The following RAP1B variants were observed in gnomAD, a reference collection of about 807,000 sequenced individuals.
The protein encoded by RAP1B is ras-related protein Rap-1b.
In RAP1B, 1 loss-of-function variant was observed where a neutral mutation model predicts 27.5. That is an observed-to-expected ratio of 0.04 (90% confidence interval 0.01 to 0.17). The LOEUF (loss-of-function observed/expected upper bound fraction) is 0.17. RAP1B is among the 10% of genes least tolerant of loss of function. The pLI, the probability that RAP1B is intolerant of heterozygous loss-of-function variation, is 1.00. For synonymous variants in RAP1B, 75 were observed against 73.1 expected (o/e 1.03, Z -0.13); for missense variants, 84 against 214.8 (o/e 0.39, Z 3.81).
At chr12:68,640,478 A>C (rs1872922724) in intron 1 of RAP1B, among the ~76,000 whole-genome samples, 1 of 152,122 alleles carries the variant, frequency 6.6e-6, no homozygotes, top group African/African-American at 2.4e-5. Context: ...TTAGGTACTC[A>C]TTATATATTT....
chr12:68,668,832 G>T lies in RAP1B; in HGVS notation c.*9583G>T, dbSNP rs920256901. 2.0e-5 allele frequency: 3 copies of T among 152,148 alleles called. No homozygotes were observed. The highest frequency in any genetic ancestry group is 7.2e-5 in the African/African-American group (3 of 41,422). 9.4% of individuals were successfully genotyped at this position (152,148 alleles called of 1,614,324 possible). On this transcript the variant is annotated 3_prime_UTR_variant, in exon 8 of 8. Transcript: ENST00000250559. The stretch of plus-strand genomic sequence containing the variant: ...CATTTCTAGATTAAAGATCTGATAA[G>T]CTCTGATAGTTGGGAAATAATACTA...
intron 1 of RAP1B, among the ~76,000 whole-genome samples, chr12:68,612,599 C>G (rs532807498): frequency 6.6e-6 from 1 of 152,322 alleles, no homozygotes; most frequent in African/African-American, 2.4e-5. Flanking sequence ...AGTGAATTAT[C>G]ATCTTACAAA....
intron 1 of RAP1B, among the ~76,000 whole-genome samples, chr12:68,632,125 ATTTGTTTTTTTTTTTTTTTTG>A (rs774582321): frequency 2.8e-5 from 3 of 107,154 alleles, no homozygotes; most frequent in South Asian, 2.9e-4. Flanking sequence ...TGGGTTTTGG[ATTTGTTTTTTTTTTTTTTTTG>A]TTTGTTTTTT....
At chr12:68,636,502 A>T (rs1187592733) in intron 1 of RAP1B, among the ~76,000 whole-genome samples, 6 of 152,226 alleles carry the variant, frequency 3.9e-5, no homozygotes, top group Non-Finnish European at 8.8e-5. Flanking sequence ...GTCATAGCTC[A>T]CTGTAACCTC....
Position 68,654,354 on chromosome 12 carries a change from G to GGC in RAP1B, c.324+103_324+104insCG, listed in dbSNP as rs1555173466. On this transcript the variant is annotated intron_variant, in intron 5 of 7. Transcript: ENST00000250559. ...TTTAAAGCTTGTGTATTTTGGTTGG[G>GGC]GGGGGGGTGTTGGTTTTTTTAAACT... The GGC allele has an allele frequency of 4.3e-6, 2 of 468,780 alleles. 1 individual carries two copies. Among genetic ancestry groups the GGC allele is most frequent in the South Asian group, 8.7e-5 (2 of 22,938 alleles). 29.0% of individuals were successfully genotyped at this position (468,780 alleles called of 1,614,324 possible). A position where few individuals can be genotyped will look rare whatever the true frequency, so the allele number is the denominator to read the frequency against.
At position 68,662,229 on chromosome 12, in the gene RAP1B, G is replaced by A. The variant is rs1327430690; in HGVS notation, c.*2980G>A. The A allele has an allele frequency of 6.6e-6, 1 of 151,516 alleles. No individual in the cohort carries two copies. Among genetic ancestry groups the A allele is most frequent in the Non-Finnish European group, 1.5e-5 (1 of 67,898 alleles). The allele number at this position is 151,516 out of a possible 1,614,324, so 9.4% of individuals were successfully genotyped here. A position where few individuals can be genotyped will look rare whatever the true frequency, so the allele number is the denominator to read the frequency against. On this transcript the variant is annotated 3_prime_UTR_variant, in exon 8 of 8. Transcript: ENST00000250559. ...CAACTCATGTAGATTGACTTTTCTG[G>A]TGCTTAATGGGAAAATACTAAAATA...
intron 1 of RAP1B, among the ~76,000 whole-genome samples, chr12:68,642,108 AT>A (rs1273981305): frequency 5.3e-5 from 8 of 152,208 alleles, no homozygotes; most frequent in African/African-American, 1.9e-4. Context: ...AGTTGGTATA[AT>A]TGGTTAATTC....
chr12:68,624,306 A>AT (rs1253965961), intron 1 of RAP1B, among the ~76,000 whole-genome samples: 4 of 152,104 alleles, frequency 2.6e-5, no homozygotes, highest in Non-Finnish European at 5.9e-5. Flanking sequence ...AAACACTAAC[A>AT]TTTTTTTAAA....
intron 1 of RAP1B, among the ~76,000 whole-genome samples, chr12:68,618,962 T>G: frequency 6.6e-6 from 1 of 151,128 alleles, no homozygotes; most frequent in Admixed American, 6.6e-5. Flanking sequence ...AAAAAAAAAG[T>G]TAGTGTGGTC....
chr12:68,626,280 C>T (rs1206301938), intron 1 of RAP1B, among the ~76,000 whole-genome samples: 8 of 152,166 alleles, frequency 5.3e-5, no homozygotes, highest in African/African-American at 1.9e-4. Flanking sequence ...ACTAAAGTTC[C>T]TCACTTCCAA....
chr12:68,621,466 C>T (rs1482704904), intron 1 of RAP1B: 3 of 151,964 alleles, frequency 2.0e-5, no homozygotes, highest in Admixed American at 2.0e-4. Flanking sequence ...CTTAATCATC[C>T]TTCAGCAAAA....
At position 68,661,048 on chromosome 12, in the gene RAP1B, AAAC is replaced by A. The variant is rs1355555239; in HGVS notation, c.*1800_*1802del. On this transcript the variant is annotated 3_prime_UTR_variant, in exon 8 of 8. Coordinates refer to ENST00000250559, the MANE Select transcript of RAP1B (RefSeq NM_001010942.3). Reference sequence around the variant, plus strand: ...TTTTAAAAATTGTAAAGCTCTTAAAAAACTTTTTGAAAGTATTTGCCAGCTACT... The same window carrying A: ...TTTTAAAAATTGTAAAGCTCTTAAAATTTTTGAAAGTATTTGCCAGCTACT... The A allele has an allele frequency of 2.7e-4, 41 of 152,344 alleles. No homozygotes were observed. Among genetic ancestry groups the A allele is most frequent in the African/African-American group, 9.6e-4 (40 of 41,580 alleles). The allele number at this position is 152,344 out of a possible 1,614,324, so 9.4% of individuals were successfully genotyped here. A position where few individuals can be genotyped will look rare whatever the true frequency, so the allele number is the denominator to read the frequency against.
chr12:68,650,656 C>T, intron 3 of RAP1B, 188 bp downstream of exon 3: 1 of 417,402 alleles, frequency 2.4e-6, no homozygotes, highest in Non-Finnish European at 3.9e-6. Flanking sequence ...CCCATACTCT[C>T]ACATATTCAC....
Position 68,656,290 on chromosome 12 carries a change from A to T in RAP1B, c.325-16A>T, listed in dbSNP as rs1874200800. 1 of 1,586,032 alleles carries T rather than the reference A, an allele frequency of 6.3e-7. No individual in the cohort carries two copies. The highest frequency in any genetic ancestry group is 2.2e-5 in the East Asian group (1 of 44,582). On this transcript the variant is annotated splice_polypyrimidine_tract_variant and intron_variant, in intron 5 of 7. Transcript: ENST00000250559. ...TATTTACTTATTTATTTTTACTCTC[A>T]CAAATGTATTTTTAGGTTCCAATGA...
chr12:68,626,796 G>GT (rs1871818080), intron 1 of RAP1B: 1 of 1,339,278 alleles, frequency 7.5e-7, no homozygotes, highest in Non-Finnish European at 1.0e-6. Flanking sequence ...TTGTTTGTTT[G>GT]TTTGTTTGTT....
chr12:68,622,556 T>G (rs1871459042), intron 1 of RAP1B, among the ~76,000 whole-genome samples: 1 of 152,218 alleles, frequency 6.6e-6, no homozygotes, highest in African/African-American at 2.4e-5. Flanking sequence ...GTCTCAACAG[T>G]GGATCTCAGT....
At chr12:68,654,067 G>A (rs774662343) in intron 4 of RAP1B, 45 bp from the exon 5 acceptor site, 4 of 1,501,350 alleles carry the variant, frequency 2.7e-6, no homozygotes, top group South Asian at 2.3e-5. Context: ...AAAAATAACT[G>A]TCAAAACATT....
intron 1 of RAP1B, chr12:68,642,634 C>T: frequency 1.5e-5 from 16 of 1,050,142 alleles, no homozygotes; most frequent in Non-Finnish European, 2.2e-5. Flanking sequence ...TTAAGTTCTT[C>T]ATCTTCTCCA....
At chr12:68,643,039 C>T (rs932707718) in intron 1 of RAP1B, 14 of 727,630 alleles carry the variant, frequency 1.9e-5, no homozygotes, top group South Asian at 1.5e-4. Flanking sequence ...CCACTGCAGC[C>T]GCCTTTAACT....
Sources: gnomAD v4.1 joint callset for allele counts (sites outside exome capture counted in the v4.1 genomes callset) on GRCh38, gnomAD v4.1.1 for gene constraint, MANE v1.5 for transcripts, NCBI Gene and HGNC (gene_info 2026-07-23, HGNC 2026-07-21) for gene names.